TUBGCP2: variants seen among roughly 807,000 people sequenced by gnomAD.
The protein encoded by TUBGCP2 is gamma-tubulin complex component 2.
TUBGCP2 carries 55 observed loss-of-function variants against 92.2 expected under a neutral mutation model. The ratio of observed to expected loss-of-function variants is 0.60; its 90% CI spans 0.48 to 0.75. The LOEUF is 0.75. Among genes scored for constraint, TUBGCP2 ranks in the 30% least tolerant of loss-of-function variants. The pLI is 0.00. For missense variants in TUBGCP2, 1,093 were observed against 1,188.9 expected (o/e 0.92, Z 1.19); for synonymous variants, 533 against 505.2 (o/e 1.06, Z -0.74).
chr10:133,287,470 G>GGT (rs1847159201), intron 11 of TUBGCP2, among the ~76,000 whole-genome samples: 1 of 152,112 alleles, frequency 6.6e-6, no homozygotes, highest in Admixed American at 6.5e-5. Context: ...GGCTGGGCAC[G>GGT]GTGGCTCATG....
chr10:133,301,158 C>A lies in TUBGCP2; in HGVS notation c.151-1045G>T, dbSNP rs142027345. On this transcript the variant is annotated intron_variant, in intron 2 of 17. Coordinates refer to ENST00000252936, the MANE Select transcript of TUBGCP2 (RefSeq NM_006659.4). ...ATGCTTTTTCTTTTGGACGGAGTTT[C>A]GCTCTTGTTGCCCAGGCTGGAGTGC... Among the ~76,000 whole-genome samples the A allele has an allele frequency of 2.4e-4, 36 of 152,252 alleles. No individual in the cohort carries two copies. In the East Asian group the frequency reaches 4.6e-3, roughly 20 times the overall value.
intron 1 of TUBGCP2, among the ~76,000 whole-genome samples, chr10:133,304,951 G>A (rs569139014): frequency 3.9e-5 from 6 of 152,118 alleles, no homozygotes; most frequent in Admixed American, 6.5e-5. Context: ...CTTGCCAAGC[G>A]GACCTTGGTC....
intron 6 of TUBGCP2, 123 bp downstream of exon 6, chr10:133,293,439 G>C: frequency 2.4e-6 from 3 of 1,264,064 alleles, no homozygotes; most frequent in Non-Finnish European, 3.3e-6. Context: ...GTTGGGCACG[G>C]AGTTGTCACC....
intron 4 of TUBGCP2, among the ~76,000 whole-genome samples, chr10:133,298,706 C>T (rs756700671): frequency 6.6e-6 from 1 of 152,254 alleles, no homozygotes; most frequent in Non-Finnish European, 1.5e-5. Flanking sequence ...GGGACACGGG[C>T]AGATGCAAAC....
upstream of TUBGCP2, chr10:133,309,669 A>G (rs1049536679): frequency 4.3e-5 from 60 of 1,392,094 alleles, no homozygotes; most frequent in Non-Finnish European, 6.1e-5. Flanking sequence ...GGGATTGCAA[A>G]AGATGCATAG....
chr10:133,290,078 T>C (rs1847244322), intron 8 of TUBGCP2, 109 bp from the exon 9 acceptor site: 1 of 1,445,460 alleles, frequency 6.9e-7, no homozygotes, highest in South Asian at 1.3e-5. Context: ...GCCAGCACAC[T>C]TCCAAGTAAC....
chr10:133,302,592 G>C (rs200745363), intron 2 of TUBGCP2, 200 bp downstream of exon 2: 1 of 614,152 alleles, frequency 1.6e-6, no homozygotes, highest in East Asian at 2.9e-5. Flanking sequence ...CCTGATCCAG[G>C]AACAGTGTTC....
upstream of TUBGCP2, chr10:133,312,314 C>A: frequency 8.4e-7 from 1 of 1,192,470 alleles, no homozygotes; most frequent in South Asian, 2.3e-5. Context: ...GTGCCGTCTG[C>A]CTTTCTAGTT....
At chr10:133,311,857 C>G (rs1301673892), upstream of TUBGCP2, 1 of 1,613,204 alleles carries the variant, frequency 6.2e-7, no homozygotes, top group African/African-American at 1.3e-5. Context: ...TGTCTGAGCT[C>G]TTTCTGAAAC....
In TUBGCP2 at chr10:133,288,113, C is replaced by T. The variant is rs755742661; in HGVS notation, c.1722+16G>A. 54 of 1,603,236 alleles carry T rather than the reference C, an allele frequency of 3.4e-5. 1 individual carries two copies. The South Asian group carries it at 4.2e-4, about 12-fold the overall frequency. On this transcript the variant is annotated intron_variant, in intron 11 of 17. Transcript: ENST00000252936. ...GGCCTCTGCCACAGGGGACAGCCCC[C>T]GGCACCCCCACCCACCTTGAGGTCG... is the stretch of plus-strand genomic sequence containing the variant.
chr10:133,287,902 C>T (rs553406489), intron 11 of TUBGCP2, among the ~76,000 whole-genome samples: 9 of 152,350 alleles, frequency 5.9e-5, no homozygotes, highest in Admixed American at 1.3e-4. Context: ...AAGCCAGGCC[C>T]GGACGAGGGC....
At chr10:133,302,597 G>C (rs1422614913) in intron 2 of TUBGCP2, 195 bp downstream of exon 2, 2 of 627,874 alleles carry the variant, frequency 3.2e-6, no homozygotes, top group South Asian at 1.9e-5. Flanking sequence ...TCCAGGAACA[G>C]TGTTCATCCT....
chr10:133,312,017 T>A, upstream of TUBGCP2: 1 of 1,569,078 alleles, frequency 6.4e-7, no homozygotes. Context: ...TGTGAATAAC[T>A]TAGTTTCTCT....
At chr10:133,310,631 A>G, upstream of TUBGCP2, 1 of 325,196 alleles carries the variant, frequency 3.1e-6, no homozygotes, top group Non-Finnish European at 5.9e-6. Context: ...ATCCGCACTC[A>G]CACCCCTCGG....
chr10:133,281,474 C>A, intron 16 of TUBGCP2, 38 bp from the exon 17 acceptor site: 2 of 1,600,488 alleles, frequency 1.2e-6, no homozygotes, highest in Middle Eastern at 1.9e-4. Flanking sequence ...CATGCCCACC[C>A]CCACCGTGGG....
chr10:133,301,700 C>CTTTTTTTTTTTTTTTTTTTTT (rs71016439), intron 2 of TUBGCP2: 2 of 87,254 alleles, frequency 2.3e-5, no homozygotes, highest in African/African-American at 1.0e-4. Flanking sequence ...CAGTCCCTCC[C>CTTTTTTTTTTTTTTTTTTTTT]TTTTTTTTTT....
chr10:133,298,812 G>T (rs1847554182), intron 4 of TUBGCP2, among the ~76,000 whole-genome samples: 1 of 152,238 alleles, frequency 6.6e-6, no homozygotes, highest in South Asian at 2.1e-4. Context: ...AACGTGCCCA[G>T]CAAGAACCGG....
At chr10:133,303,796 C>G (rs553976363) in intron 1 of TUBGCP2, among the ~76,000 whole-genome samples, 1 of 152,244 alleles carries the variant, frequency 6.6e-6, no homozygotes, top group Non-Finnish European at 1.5e-5. Context: ...GTTCCCTACA[C>G]GTTTGAGCTA....
In TUBGCP2 at chr10:133,279,733, C is replaced by A; in HGVS notation, c.*33G>T. The A allele has an allele frequency of 6.5e-7, 1 of 1,539,988 alleles. No individual in the cohort carries two copies. The highest frequency in any genetic ancestry group is 1.2e-5 in the South Asian group (1 of 83,446). Reference sequence around the variant, plus strand: ...ACCCATTTGCACCAGTCCCTGCTGACCCCACACCCTTCCTTCCTGTCACAG... The same window carrying A: ...ACCCATTTGCACCAGTCCCTGCTGAACCCACACCCTTCCTTCCTGTCACAG... On this transcript the variant is annotated 3_prime_UTR_variant, in exon 18 of 18. Transcript: ENST00000252936.
Sources: allele counts gnomAD v4.1 joint callset (sites outside exome capture counted in the v4.1 genomes callset), GRCh38; gene constraint gnomAD v4.1.1; transcripts MANE v1.5; gene names NCBI Gene and HGNC (gene_info 2026-07-23, HGNC 2026-07-21).